Variants in LUZP1 observed in about 807,000 individuals in gnomAD.
LUZP1 encodes the protein filamin mechanobinding actin cross-linking protein.
A neutral mutation model predicts 71.3 loss-of-function variants in LUZP1; 25 were observed. The ratio of observed to expected loss-of-function variants is 0.35; its 90% CI spans 0.26 to 0.49. LUZP1 has a LOEUF of 0.49. LUZP1 is among the 20% of genes least tolerant of loss of function. LUZP1 has a pLI of 0.99. For missense variants in LUZP1, 1,142 were observed against 1,300.8 expected, an observed-to-expected ratio of 0.88 and a Z score of 1.88; for synonymous variants, 481 against 506.4, an observed-to-expected ratio of 0.95 and a Z score of 0.67.
downstream of LUZP1, chr1:23,083,648 T>G (rs991045213): frequency 2.2e-5 from 5 of 231,276 alleles, no homozygotes; most frequent in Middle Eastern, 1.3e-3. Context: ...GGGGTTTTTG[T>G]TTTTTTTTTA....
intron 2 of LUZP1, among the ~76,000 whole-genome samples, chr1:23,156,696 G>T (rs79837321): frequency 2.4e-3 from 368 of 152,190 alleles, no homozygotes; most frequent in Non-Finnish European, 3.2e-3. Context: ...CGCCATCTTG[G>T]GAGGTAAGAC....
intron 2 of LUZP1, among the ~76,000 whole-genome samples, chr1:23,155,071 C>A (rs1253314113): frequency 6.6e-6 from 1 of 152,116 alleles, no homozygotes; most frequent in Non-Finnish European, 1.5e-5. Context: ...TATCAAATTA[C>A]ACTAAGAATA....
At chr1:23,159,612 T>C (rs1453000873) in intron 2 of LUZP1, among the ~76,000 whole-genome samples, 1 of 152,156 alleles carries the variant, frequency 6.6e-6, no homozygotes, top group Non-Finnish European at 1.5e-5. Context: ...TCAATAAATA[T>C]TTGTTGAGTG....
rs1243597738 is a variant in LUZP1 at position 23,093,063 on chromosome 1, T to A, written c.1199A>T (p.Glu400Val). 2 of 1,613,994 alleles carry A rather than the reference T, an allele frequency of 1.2e-6. No homozygotes were observed. The highest frequency in any genetic ancestry group is 1.3e-5 in the African/African-American group (1 of 74,924). ...AGCAAACTCCCTGTTCCGGAGTCGTTCCCGCTTATGCTGAGGAGACAGTTC... is the reference window on the plus strand; with the variant it reads ...AGCAAACTCCCTGTTCCGGAGTCGTACCCGCTTATGCTGAGGAGACAGTTC... The change falls in exon 4 of 5, where the codon GAA becomes GTA. Residue 400 changes from glutamate (E) to valine (V), a missense_variant. By Grantham distance (121) the Glu-to-Val change is moderately radical. Coordinates refer to ENST00000302291, the Ensembl canonical transcript of LUZP1. The surrounding 1 kb of genome is among the most constrained non-coding windows in gnomAD (Gnocchi z 4.2).
At chr1:23,141,597 T>A (rs1557675467) in intron 2 of LUZP1, among the ~76,000 whole-genome samples, 1 of 152,246 alleles carries the variant, frequency 6.6e-6, no homozygotes, top group Non-Finnish European at 1.5e-5. Flanking sequence ...GCCACCCCTC[T>A]GCCACATGGG....
intron 2 of LUZP1, among the ~76,000 whole-genome samples, chr1:23,157,225 G>C (rs1644427028): frequency 6.6e-6 from 1 of 152,180 alleles, no homozygotes; most frequent in African/African-American, 2.4e-5. Context: ...CTAGCTACTA[G>C]GGAGGCTAAA....
intron 4 of LUZP1, chr1:23,090,980 GA>G: frequency 1.4e-6 from 1 of 720,432 alleles, no homozygotes. Context: ...CAACAAATTG[GA>G]AAAGGGATTT....
intron 2 of LUZP1, among the ~76,000 whole-genome samples, chr1:23,110,676 C>T (rs1644022320): frequency 6.6e-6 from 1 of 151,452 alleles, no homozygotes; most frequent in East Asian, 1.9e-4. Flanking sequence ...CCATCCCTGC[C>T]TCTATCTTCC....
In LUZP1 at chr1:23,094,213, G is replaced by C. The variant is rs760716379; in HGVS notation, c.49C>G (p.Arg17Gly). The C allele has an allele frequency of 6.2e-7, 1 of 1,612,280 alleles. No individual in the cohort carries two copies. The highest frequency in any genetic ancestry group is 8.5e-7 in the Non-Finnish European group (1 of 1,179,538). Reference sequence around the variant, plus strand: ...CGGCTTAGACTCTGTAGCTTAAACCGCAAGTGGCGGCTGGAGGCCGTCTCC... The same window carrying C: ...CGGCTTAGACTCTGTAGCTTAAACCCCAAGTGGCGGCTGGAGGCCGTCTCC... The change falls in exon 4 of 5, where the codon CGG (arginine) becomes GGG (glycine). Residue 17 changes from arginine (R) to glycine (G), a missense_variant. Physicochemically the swap from Arg to Gly is moderately radical, Grantham distance 125. Coordinates refer to ENST00000302291, the Ensembl canonical transcript of LUZP1. This position sits in a 1 kb window ranked among gnomAD's most constrained non-coding sequence, Gnocchi z 4.7.
chr1:23,130,476 G>A (rs1389664196), intron 2 of LUZP1, among the ~76,000 whole-genome samples: 1 of 151,404 alleles, frequency 6.6e-6, no homozygotes, highest in African/African-American at 2.4e-5. Context: ...AAATAAAAGA[G>A]GGAAAGAGAG....
intron 2 of LUZP1, among the ~76,000 whole-genome samples, chr1:23,162,023 CAAAAAAAAAAAAAAA>C (rs377371342): frequency 3.4e-5 from 2 of 59,514 alleles, no homozygotes; most frequent in Non-Finnish European, 6.5e-5. Flanking sequence ...GAGACTGTCT[CAAAAAAAAAAAAAAA>C]AAAAAAAAAA....
rs559869015 is a variant in LUZP1, at chr1:23,173,308, T to C, written c.-485+4183A>G. ...CTAGAGAACCTTCAGTTTTTTTTCTTTTTTTTTTGCTTTGCTGAGTTTCAT... is the reference window on the plus strand; with the variant it reads ...CTAGAGAACCTTCAGTTTTTTTTCTCTTTTTTTTGCTTTGCTGAGTTTCAT... On this transcript the variant is annotated intron_variant, in intron 1 of 4. Transcript: ENST00000302291. Among the ~76,000 whole-genome samples, 29 of 36,084 alleles carry C rather than the reference T, an allele frequency of 8.0e-4. 1 individual carries two copies. The South Asian group carries it at 0.032, about 39-fold the overall frequency. 23.7% of individuals were successfully genotyped at this position (36,084 alleles called of 152,430 possible).
At chr1:23,150,599 T>C (rs1484791374) in intron 2 of LUZP1, among the ~76,000 whole-genome samples, 1 of 152,152 alleles carries the variant, frequency 6.6e-6, no homozygotes, top group Non-Finnish European at 1.5e-5. Context: ...AGAATGGGAC[T>C]GAGCTTTTAA....
exon 4 of LUZP1, chr1:23,091,244 C>A (rs1339990428): frequency 6.2e-7 from 1 of 1,613,826 alleles, no homozygotes; most frequent in Non-Finnish European, 8.5e-7. Flanking sequence ...CTACCCGATT[C>A]CGACGGGTAA....
rs1643871799 is a variant in LUZP1, at chr1:23,093,001, C to G, written c.1261G>C (p.Val421Leu). Residue 421 changes from valine to leucine, a missense_variant, in exon 4 of 5, where the codon GTT becomes CTT. Physicochemically the swap from Val to Leu is conservative, Grantham distance 32 (BLOSUM62 1). Transcript: ENST00000302291. This position sits in a 1 kb window ranked among gnomAD's most constrained non-coding sequence, Gnocchi z 4.2. ...CTGTTGGTGAAACTGGGAGAAGAAA[C>G]CTGCCTGTTGCTCAGAGAATAGTTT... The G allele has an allele frequency of 7.4e-6, 12 of 1,614,024 alleles. No individual in the cohort carries two copies. Among genetic ancestry groups the G allele is most frequent in the Non-Finnish European group, 9.3e-6 (11 of 1,180,032 alleles).
intron 2 of LUZP1, among the ~76,000 whole-genome samples, chr1:23,131,561 A>T (rs890371249): frequency 4.6e-5 from 7 of 152,252 alleles, no homozygotes; most frequent in Admixed American, 4.6e-4. Context: ...ACTAGCTGGT[A>T]TGCAGAAGGC....
rs1172244119 is a variant in LUZP1 at position 23,113,757 on chromosome 1, G to A, written c.-225-4630C>T. Reference sequence around the variant, plus strand: ...TAGCCGGGTGTTGTGGCGCGCGCCTGTAGTCCCAGCTACTTGAGAGGCTGA... The same window carrying A: ...TAGCCGGGTGTTGTGGCGCGCGCCTATAGTCCCAGCTACTTGAGAGGCTGA... On this transcript the variant is annotated intron_variant, in intron 2 of 4. Coordinates refer to ENST00000302291, the Ensembl canonical transcript of LUZP1. Among the ~76,000 whole-genome samples, 13 of 152,048 alleles carry A rather than the reference G, an allele frequency of 8.5e-5. No individual in the cohort carries two copies. In the East Asian group the frequency reaches 2.5e-3, roughly 29 times the overall value.
Position 23,094,070 on chromosome 1 carries a change from C to A in LUZP1, c.192G>T (p.Glu64Asp). 6.2e-7 allele frequency: 1 copy of A among 1,614,222 alleles called. No individual in the cohort carries two copies. Among genetic ancestry groups the A allele is most frequent in the Non-Finnish European group, 8.5e-7 (1 of 1,180,048 alleles). ...GCACCCGCTGGCGCAGCACTTCAATCTCCGCCAACATGCTGGAGTTGCTAC... is the reference window on the plus strand; with the variant it reads ...GCACCCGCTGGCGCAGCACTTCAATATCCGCCAACATGCTGGAGTTGCTAC... Residue 64 changes from glutamate to aspartate, a missense_variant, in exon 4 of 5, where the codon GAG becomes GAT. By Grantham distance (45) the Glu-to-Asp change is conservative (BLOSUM62 2). Coordinates refer to ENST00000302291, the Ensembl canonical transcript of LUZP1. The surrounding 1 kb of genome is among the most constrained non-coding windows in gnomAD (Gnocchi z 4.7).
At chr1:23,110,472 TC>T (rs1462423807) in intron 2 of LUZP1, among the ~76,000 whole-genome samples, 1 of 152,116 alleles carries the variant, frequency 6.6e-6, no homozygotes, top group African/African-American at 2.4e-5. Flanking sequence ...CAAACTATCC[TC>T]CCTTCTTTCA....
Sources: gnomAD v4.1 joint callset for allele counts (sites outside exome capture counted in the v4.1 genomes callset) on GRCh38, gnomAD v4.1.1 for gene constraint, Gnocchi (gnomAD v3.1) non-coding constraint, MANE v1.5 for transcripts, NCBI Gene and HGNC (gene_info 2026-07-23, HGNC 2026-07-21) for gene names.